The following MRPL48 variants were observed in gnomAD, a reference collection of about 807,000 sequenced individuals.
The protein encoded by MRPL48 is large ribosomal subunit protein mL48.
Under a neutral mutation model 32.9 loss-of-function variants are expected in MRPL48, and 16 were observed. That is an observed-to-expected ratio of 0.49 (90% confidence interval 0.33 to 0.74). The LOEUF (loss-of-function observed/expected upper bound fraction) is 0.74. MRPL48 is among the 30% of genes least tolerant of loss of function. MRPL48 has a pLI of 0.02. For missense variants in MRPL48, 206 were observed against 245.3 expected, an observed-to-expected ratio of 0.84 and a Z score of 1.07; for synonymous variants, 94 against 89.2, an observed-to-expected ratio of 1.05 and a Z score of -0.31.
At chr11:73,847,008 T>C (rs1472284490) in intron 5 of MRPL48, among the ~76,000 whole-genome samples, 2 of 151,676 alleles carry the variant, frequency 1.3e-5, no homozygotes, top group African/African-American at 4.8e-5. Context: ...TTGCCCAGGC[T>C]GGAGTGCAGT....
At chr11:73,845,675 C>T (rs774534308) in intron 5 of MRPL48, among the ~76,000 whole-genome samples, 1 of 152,088 alleles carries the variant, frequency 6.6e-6, no homozygotes, top group South Asian at 2.1e-4. Flanking sequence ...GAGGGTGAGG[C>T]GGGAGGATAG....
At chr11:73,789,980 T>C (rs1590921521) in intron 1 of MRPL48, among the ~76,000 whole-genome samples, 1 of 151,856 alleles carries the variant, frequency 6.6e-6, no homozygotes, top group East Asian at 1.9e-4. Context: ...ACTAAATCCT[T>C]GAACTCCTGG....
chr11:73,852,509 C>T (rs1480062399), intron 5 of MRPL48, among the ~76,000 whole-genome samples: 1 of 151,500 alleles, frequency 6.6e-6, no homozygotes, highest in Non-Finnish European at 1.5e-5. Flanking sequence ...AAAAAGTGCT[C>T]AACATCACTG....
chr11:73,840,098 T>TAAA (rs35939600), intron 4 of MRPL48, among the ~76,000 whole-genome samples: 23 of 137,124 alleles, frequency 1.7e-4, no homozygotes, highest in South Asian at 7.1e-4. Context: ...ACCCTGTCCT[T>TAAA]AAAAAAAAAA....
chr11:73,826,246 C>T (rs1565097516), intron 4 of MRPL48, among the ~76,000 whole-genome samples: 1 of 152,044 alleles, frequency 6.6e-6, no homozygotes, highest in Non-Finnish European at 1.5e-5. Flanking sequence ...TCTCAAGCTC[C>T]TGGCCTCAAG....
intron 4 of MRPL48, among the ~76,000 whole-genome samples, chr11:73,836,799 T>A (rs963664333): frequency 6.6e-6 from 1 of 152,194 alleles, no homozygotes; most frequent in African/African-American, 2.4e-5. Context: ...TAACTTTAGC[T>A]GTTACAGATG....
At chr11:73,855,781 T>C (rs6592540) in intron 5 of MRPL48, among the ~76,000 whole-genome samples, 8,577 of 152,268 alleles carry the variant, frequency 0.056, 263 homozygotes, top group Middle Eastern at 0.11. Context: ...CCACCGTGCC[T>C]GGCCTCTTTA....
intron 4 of MRPL48, among the ~76,000 whole-genome samples, chr11:73,841,111 A>C (rs560567947): frequency 1.6e-4 from 25 of 152,352 alleles, no homozygotes; most frequent in African/African-American, 6.0e-4. Flanking sequence ...AAAATAAAGA[A>C]ACCCACAAGA....
At position 73,805,497 on chromosome 11, in the gene MRPL48, T is replaced by C. The variant is rs533668756; in HGVS notation, c.74+418T>C. ...TTTTTGTAGAGATGGGGTTTCACCA[T>C]GTTGGCCAGGCTGGTCTTGAACTCC... On this transcript the variant is annotated intron_variant, in intron 2 of 7. Coordinates refer to ENST00000310614, the MANE Select transcript of MRPL48 (RefSeq NM_016055.6). Among the ~76,000 whole-genome samples the C allele has an allele frequency of 2.3e-3, 351 of 151,930 alleles. 1 individual carries two copies. The highest frequency in any genetic ancestry group is 8.1e-3 in the African/African-American group (335 of 41,436).
chr11:73,808,668 T>C (rs985642196), intron 3 of MRPL48, among the ~76,000 whole-genome samples: 2 of 152,228 alleles, frequency 1.3e-5, no homozygotes, highest in Non-Finnish European at 2.9e-5. Flanking sequence ...ACGCCTGTAA[T>C]CCCAGCACTT....
rs112573748 is a variant in MRPL48 at position 73,814,873 on chromosome 11, T to C, written c.112+6523T>C. On this transcript the variant is annotated intron_variant, in intron 3 of 7. Coordinates refer to ENST00000310614, the MANE Select transcript of MRPL48 (RefSeq NM_016055.6). ...GCCAGGCGTGGTGGTCACACGCCCA[T>C]AATCCCAGCTACTCCGGCAGCTGAA... 7.4e-3 allele frequency among the ~76,000 whole-genome samples: 1,123 copies of C among 151,472 alleles called. 18 individuals are homozygous for C. Among genetic ancestry groups the C allele is most frequent in the African/African-American group, 0.025 (1,050 of 41,266 alleles).
intron 4 of MRPL48, among the ~76,000 whole-genome samples, chr11:73,829,926 G>A (rs555321957): frequency 5.0e-4 from 75 of 151,490 alleles, no homozygotes; most frequent in African/African-American, 1.7e-3. Context: ...CACTACACCC[G>A]GCTCATTATA....
At chr11:73,811,895 T>TC (rs1305063070) in intron 3 of MRPL48, among the ~76,000 whole-genome samples, 1 of 152,172 alleles carries the variant, frequency 6.6e-6, no homozygotes, top group South Asian at 2.1e-4. Context: ...CCTTTCCCAG[T>TC]CTTTTTTTTT....
chr11:73,835,716 T>G (rs1038591084), intron 4 of MRPL48, among the ~76,000 whole-genome samples: 1 of 151,964 alleles, frequency 6.6e-6, no homozygotes, highest in East Asian at 2.0e-4. Context: ...CTGGCCAACA[T>G]GGTGAAACCC....
At chr11:73,803,881 G>A (rs188160150) in intron 1 of MRPL48, among the ~76,000 whole-genome samples, 82 of 152,054 alleles carry the variant, frequency 5.4e-4, no homozygotes, top group African/African-American at 1.7e-3. Context: ...CCTCCATTGT[G>A]AAGTATCATT....
At chr11:73,858,577 T>C (rs1376486771) in intron 5 of MRPL48, among the ~76,000 whole-genome samples, 1 of 152,224 alleles carries the variant, frequency 6.6e-6, no homozygotes, top group Non-Finnish European at 1.5e-5. Context: ...GCCTGGCCTA[T>C]TACACTAAAC....
At chr11:73,843,197 A>AT (rs1948223231) in intron 4 of MRPL48, 1 of 129,902 alleles carries the variant, frequency 7.7e-6, no homozygotes, top group African/African-American at 2.9e-5. Flanking sequence ...TGTGTTAAAT[A>AT]TTTTTTCCCA....
At chr11:73,835,121 C>T (rs984711455) in intron 4 of MRPL48, among the ~76,000 whole-genome samples, 1 of 148,984 alleles carries the variant, frequency 6.7e-6, no homozygotes. Flanking sequence ...GTGTGAGCCA[C>T]TGTGCCCAGC....
intron 3 of MRPL48, 150 bp downstream of exon 3, chr11:73,808,500 A>G (rs1947500578): frequency 1.4e-6 from 1 of 723,742 alleles, no homozygotes. Flanking sequence ...GAATAGAACC[A>G]TGGGTGAGAA....
Sources: gnomAD v4.1 joint callset for allele counts (sites outside exome capture counted in the v4.1 genomes callset) on GRCh38, gnomAD v4.1.1 for gene constraint, MANE v1.5 for transcripts, NCBI Gene and HGNC (gene_info 2026-07-23, HGNC 2026-07-21) for gene names.